Variants in ST6GALNAC3 observed in about 807,000 individuals in gnomAD.
ST6GALNAC3 encodes the protein ST6 N-acetylgalactosaminide alpha-2,6-sialyltransferase 3.
A neutral mutation model predicts 32.7 loss-of-function variants in ST6GALNAC3; 25 were observed. The ratio of observed to expected loss-of-function variants is 0.76; its 90% CI spans 0.56 to 1.07. The LOEUF is 1.07. Among genes scored for constraint, ST6GALNAC3 ranks in the 50% least tolerant of loss-of-function variants. The probability of loss-of-function intolerance (pLI) is 0.00; values close to 1 mark genes in which losing one functional copy is unlikely to be tolerated. For missense variants in ST6GALNAC3, 355 were observed against 382.4 expected (o/e 0.93, Z 0.60); for synonymous variants, 129 against 133.1 (o/e 0.97, Z 0.21).
chr1:76,615,712 A>G (rs1209300595), intron 3 of ST6GALNAC3, among the ~76,000 whole-genome samples: 2 of 152,124 alleles, frequency 1.3e-5, no homozygotes, highest in Non-Finnish European at 2.9e-5. Context: ...AATAAGGGAC[A>G]TTTTCTAAGT....
chr1:76,417,356 A>C (rs1458985979), intron 3 of ST6GALNAC3, among the ~76,000 whole-genome samples: 2 of 152,144 alleles, frequency 1.3e-5, no homozygotes, highest in Non-Finnish European at 1.5e-5. Flanking sequence ...CTTTGAAATT[A>C]AAGGTTTTAT....
At chr1:76,335,174 A>T (rs1647358562) in intron 2 of ST6GALNAC3, among the ~76,000 whole-genome samples, 1 of 152,212 alleles carries the variant, frequency 6.6e-6, no homozygotes, top group African/African-American at 2.4e-5. Context: ...ATCTCCTCTT[A>T]CCATGCAGTT....
At chr1:76,337,123 C>T (rs1340529526) in intron 2 of ST6GALNAC3, among the ~76,000 whole-genome samples, 2 of 152,196 alleles carry the variant, frequency 1.3e-5, no homozygotes, top group African/African-American at 4.8e-5. Context: ...AGCCTCTGAT[C>T]TCCAGACTCT....
chr1:76,630,064 A>C lies in ST6GALNAC3; in HGVS notation c.*1258A>C. The C allele has an allele frequency of 3.0e-6, 3 of 985,268 alleles. No homozygotes were observed. The highest frequency in any genetic ancestry group is 3.6e-6 in the Non-Finnish European group (3 of 829,844). 61.0% of individuals were successfully genotyped at this position (985,268 alleles called of 1,614,324 possible). A position where few individuals can be genotyped will look rare whatever the true frequency, so the allele number is the denominator to read the frequency against. ...TCTGTTATACCATGTGATGCCCTTG[A>C]ACACCCCATTGGGCTATTGTCTGTG... On this transcript the variant is annotated 3_prime_UTR_variant, in exon 5 of 5. Coordinates refer to ENST00000328299, the MANE Select transcript of ST6GALNAC3 (RefSeq NM_152996.4).
At chr1:76,222,014 A>G (rs183938103) in intron 1 of ST6GALNAC3, among the ~76,000 whole-genome samples, 3 of 152,310 alleles carry the variant, frequency 2.0e-5, no homozygotes, top group East Asian at 3.9e-4. Flanking sequence ...CTGGGTGGTC[A>G]TCCTCTTGAA....
chr1:76,456,587 A>G (rs1290487955), intron 3 of ST6GALNAC3, among the ~76,000 whole-genome samples: 1 of 152,168 alleles, frequency 6.6e-6, no homozygotes, highest in African/African-American at 2.4e-5. Context: ...TATATACAGA[A>G]CCAAAGAAAA....
intron 3 of ST6GALNAC3, among the ~76,000 whole-genome samples, chr1:76,418,759 G>A (rs1170279504): frequency 6.6e-6 from 1 of 151,980 alleles, no homozygotes; most frequent in Non-Finnish European, 1.5e-5. Context: ...CAGCAGTCAT[G>A]GGCAGATCCA....
chr1:76,121,744 A>G (rs1216480498), intron 1 of ST6GALNAC3, among the ~76,000 whole-genome samples: 1 of 152,170 alleles, frequency 6.6e-6, no homozygotes, highest in Non-Finnish European at 1.5e-5. Flanking sequence ...GGGTCAGATC[A>G]CACCACTGCC....
intron 2 of ST6GALNAC3, among the ~76,000 whole-genome samples, chr1:76,363,643 C>G (rs1231344220): frequency 1.3e-5 from 2 of 152,126 alleles, no homozygotes; most frequent in Non-Finnish European, 2.9e-5. Context: ...TAAAGTAATA[C>G]CCGAGACTGG....
chr1:76,614,444 G>C (rs1356585970), intron 3 of ST6GALNAC3, among the ~76,000 whole-genome samples: 1 of 152,104 alleles, frequency 6.6e-6, no homozygotes, highest in East Asian at 1.9e-4. Context: ...TACCAACCAG[G>C]TGCGGTGGCT....
At chr1:76,448,395 A>G (rs1039727195) in intron 3 of ST6GALNAC3, among the ~76,000 whole-genome samples, 6 of 152,184 alleles carry the variant, frequency 3.9e-5, no homozygotes, top group South Asian at 2.1e-4. Context: ...ACGTTGGTCT[A>G]TGGACTTTTG....
At chr1:76,466,266 T>C (rs1658622630) in intron 3 of ST6GALNAC3, among the ~76,000 whole-genome samples, 1 of 152,052 alleles carries the variant, frequency 6.6e-6, no homozygotes, top group South Asian at 2.1e-4. Flanking sequence ...GATAATCTTT[T>C]ATTTAGAAGA....
In ST6GALNAC3 at chr1:76,630,618, A is replaced by T; in HGVS notation, c.*1812A>T. 1 of 985,642 alleles carries T rather than the reference A, an allele frequency of 1.0e-6. No homozygotes were observed. Among genetic ancestry groups the T allele is most frequent in the South Asian group, 4.7e-5 (1 of 21,286 alleles). The allele number at this position is 985,642 out of a possible 1,614,324, so 61.1% of individuals were successfully genotyped here. Reference sequence around the variant, plus strand: ...ACTTCAGAAGCACTTGTAGGTCTTTACTAGTGCTAAGTATTATGGTGAGCT... The same window carrying T: ...ACTTCAGAAGCACTTGTAGGTCTTTTCTAGTGCTAAGTATTATGGTGAGCT... On this transcript the variant is annotated 3_prime_UTR_variant, in exon 5 of 5. Coordinates refer to ENST00000328299, the MANE Select transcript of ST6GALNAC3 (RefSeq NM_152996.4).
downstream of ST6GALNAC3, chr1:76,634,608 T>C (rs1231877784): frequency 6.6e-6 from 1 of 152,144 alleles, no homozygotes; most frequent in African/African-American, 2.4e-5. Flanking sequence ...CAAAGAGCTA[T>C]TGGCATATTT....
intron 1 of ST6GALNAC3, among the ~76,000 whole-genome samples, chr1:76,093,430 G>A (rs1205905478): frequency 6.6e-6 from 1 of 152,204 alleles, no homozygotes; most frequent in Non-Finnish European, 1.5e-5. Context: ...GTTCCTCCAT[G>A]ATCTATGGCT....
At chr1:76,627,308 A>G in intron 3 of ST6GALNAC3, 144 bp from the exon 4 acceptor site, 1 of 607,482 alleles carries the variant, frequency 1.6e-6, no homozygotes, top group Non-Finnish European at 2.9e-6. Flanking sequence ...TCTTTGACAT[A>G]TTGTCAAGTT....
intron 1 of ST6GALNAC3, among the ~76,000 whole-genome samples, chr1:76,200,108 G>A (rs17098332): frequency 0.091 from 13,833 of 152,226 alleles, 704 homozygotes; most frequent in African/African-American, 0.14. Context: ...AAGTATGGGA[G>A]AAAACTTTTT....
intron 2 of ST6GALNAC3, among the ~76,000 whole-genome samples, chr1:76,360,703 G>A (rs1225015357): frequency 6.6e-6 from 1 of 152,106 alleles, no homozygotes; most frequent in Admixed American, 6.6e-5. Flanking sequence ...GCAGTATATT[G>A]TGTATGTGTT....
intron 1 of ST6GALNAC3, among the ~76,000 whole-genome samples, chr1:76,204,648 A>G (rs1401502195): frequency 6.6e-6 from 1 of 152,186 alleles, no homozygotes; most frequent in African/African-American, 2.4e-5. Context: ...CACGACGTGT[A>G]TCTTCTTGCT....
Sources: allele counts gnomAD v4.1 joint callset (sites outside exome capture counted in the v4.1 genomes callset), GRCh38; gene constraint gnomAD v4.1.1; transcripts MANE v1.5; gene names NCBI Gene and HGNC (gene_info 2026-07-23, HGNC 2026-07-21).